EVL: variants seen among roughly 807,000 people sequenced by gnomAD.
EVL encodes the protein Enah/Vasp-like.
In EVL, 21 loss-of-function variants were observed where a neutral mutation model predicts 59.6. The observed-to-expected ratio is 0.35, with a 90% CI of 0.25 to 0.51. EVL has a LOEUF of 0.51. EVL is among the 20% of genes least tolerant of loss of function. The pLI is 0.97. For missense variants in EVL, 462 were observed against 546.6 expected, an observed-to-expected ratio of 0.85 and a Z score of 1.54; for synonymous variants, 198 against 203.5, an observed-to-expected ratio of 0.97 and a Z score of 0.23.
chr14:100,125,558 A>ATT (rs202101876), intron 4 of EVL, among the ~76,000 whole-genome samples: 23 of 142,572 alleles, frequency 1.6e-4, no homozygotes, highest in East Asian at 8.2e-4. Flanking sequence ...CTTTTCCGTA[A>ATT]TTTTTTTTTT....
At chr14:100,004,478 G>A (rs1458037050) in intron 1 of EVL, among the ~76,000 whole-genome samples, 1 of 125,748 alleles carries the variant, frequency 8.0e-6, no homozygotes, top group Non-Finnish European at 1.5e-5. Flanking sequence ...TAGTGTGTAA[G>A]TGGTTTTTTT....
At chr14:100,023,674 C>G (rs543369636) in intron 1 of EVL, among the ~76,000 whole-genome samples, 2 of 151,972 alleles carry the variant, frequency 1.3e-5, no homozygotes, top group African/African-American at 4.8e-5. Flanking sequence ...GTTGACCAGG[C>G]TGGTCTTGAA....
At chr14:100,062,338 G>A (rs1186062763), upstream of EVL, among the ~76,000 whole-genome samples, 1 of 151,702 alleles carries the variant, frequency 6.6e-6, no homozygotes, top group Non-Finnish European at 1.5e-5. Context: ...CAATTATGAA[G>A]TTCTTAACAT....
chr14:100,029,315 G>C (rs960100661), intron 1 of EVL, among the ~76,000 whole-genome samples: 1 of 152,222 alleles, frequency 6.6e-6, no homozygotes, highest in African/African-American at 2.4e-5. Flanking sequence ...CCTCAACTAT[G>C]TTGGTTCTGA....
intron 1 of EVL, among the ~76,000 whole-genome samples, chr14:100,038,988 C>A (rs2061429334): frequency 6.6e-6 from 1 of 151,972 alleles, no homozygotes; most frequent in Admixed American, 6.6e-5. Flanking sequence ...CCCATAGGGC[C>A]CAGGACTGGC....
upstream of EVL, among the ~76,000 whole-genome samples, chr14:100,064,500 T>A (rs1458586647): frequency 6.6e-6 from 1 of 152,258 alleles, no homozygotes; most frequent in Non-Finnish European, 1.5e-5. Context: ...AAGCCAAGTT[T>A]CCAGTATTCC....
At chr14:100,129,522 A>C in intron 6 of EVL, 41 bp from the exon 7 acceptor site, 2 of 1,611,232 alleles carry the variant, frequency 1.2e-6, no homozygotes, top group Non-Finnish European at 1.7e-6. Flanking sequence ...CTGTTCTGCC[A>C]TCAGCAGCAG....
intron 1 of EVL, among the ~76,000 whole-genome samples, chr14:100,020,531 A>G (rs1249321903): frequency 6.6e-6 from 1 of 151,938 alleles, no homozygotes; most frequent in East Asian, 1.9e-4. Context: ...TTCAAATGCA[A>G]TTTTTGTGCA....
chr14:100,044,396 T>C (rs1003986176), intron 1 of EVL, among the ~76,000 whole-genome samples: 8 of 152,214 alleles, frequency 5.3e-5, no homozygotes, highest in Admixed American at 4.6e-4. Context: ...GGCTTACATA[T>C]ACATACAATA....
intron 1 of EVL, among the ~76,000 whole-genome samples, chr14:100,028,917 C>T (rs2061265912): frequency 6.6e-6 from 1 of 152,176 alleles, no homozygotes; most frequent in South Asian, 2.1e-4. Flanking sequence ...CCATTTCCTA[C>T]AAAAGAAATG....
intron 1 of EVL, among the ~76,000 whole-genome samples, chr14:100,022,731 G>C (rs2061147424): frequency 1.3e-5 from 2 of 152,328 alleles, no homozygotes; most frequent in African/African-American, 2.4e-5. Context: ...CACACAGTAA[G>C]ACCTTAATGA....
In EVL at chr14:100,128,654, CAGCCGGAGG is replaced by C. The variant is rs1382708656; in HGVS notation, c.628_636del (p.Gly210_Ala212del). 1 of 1,593,622 alleles carries C rather than the reference CAGCCGGAGG, an allele frequency of 6.3e-7. No individual in the cohort carries two copies. Among genetic ancestry groups the C allele is most frequent in the Non-Finnish European group, 8.5e-7 (1 of 1,171,530 alleles). ...ACCCCACCTCCCCCACCCCCACTGC[CAGCCGGAGG>C]AGCCCAGGGGTCCAGCCACGACGAG... On this transcript the variant is annotated inframe_deletion, in exon 6 of 14. Transcript: ENST00000392920.
chr14:100,022,952 C>T (rs1260631850), intron 1 of EVL, among the ~76,000 whole-genome samples: 3 of 152,158 alleles, frequency 2.0e-5, no homozygotes, highest in Non-Finnish European at 4.4e-5. Context: ...CCAGAGAAGT[C>T]ATCACGTTTC....
intron 3 of EVL, among the ~76,000 whole-genome samples, chr14:100,118,824 T>G (rs1345128302): frequency 6.6e-6 from 1 of 152,216 alleles, no homozygotes; most frequent in African/African-American, 2.4e-5. Context: ...AAAGGGCTCC[T>G]CTGACTCACC....
At chr14:100,110,323 A>G (rs887139650) in intron 3 of EVL, among the ~76,000 whole-genome samples, 1 of 151,996 alleles carries the variant, frequency 6.6e-6, no homozygotes, top group African/African-American at 2.4e-5. Context: ...GCAGTGAGCC[A>G]TGGTTACACC....
chr14:100,062,601 TA>T (rs2061857337), upstream of EVL, among the ~76,000 whole-genome samples: 19 of 152,182 alleles, frequency 1.2e-4, no homozygotes, highest in Admixed American at 1.1e-3. Flanking sequence ...TCTACATCAA[TA>T]AACTAAATGT....
chr14:100,000,370 C>T (rs541276107), intron 1 of EVL, among the ~76,000 whole-genome samples: 10 of 110,860 alleles, frequency 9.0e-5, no homozygotes, highest in African/African-American at 3.5e-4. Flanking sequence ...TTTTTTGAGA[C>T]GGAGTCTCGC....
chr14:100,083,173 G>A (rs1331695807), intron 1 of EVL, among the ~76,000 whole-genome samples: 1 of 152,146 alleles, frequency 6.6e-6, no homozygotes, highest in East Asian at 1.9e-4. Flanking sequence ...AGACCATGCT[G>A]CATCTCAGGA....
chr14:100,099,372 A>G (rs982629624), intron 3 of EVL, among the ~76,000 whole-genome samples: 10 of 152,170 alleles, frequency 6.6e-5, no homozygotes, highest in African/African-American at 2.4e-4. Flanking sequence ...TGTGTCTTAC[A>G]TACAAACACA....
Sources: gnomAD v4.1 joint callset for allele counts (sites outside exome capture counted in the v4.1 genomes callset) on GRCh38, gnomAD v4.1.1 for gene constraint, MANE v1.5 for transcripts, NCBI Gene and HGNC (gene_info 2026-07-23, HGNC 2026-07-21) for gene names.